Variants in PLPP7 observed in about 807,000 individuals in gnomAD.
The protein encoded by PLPP7 is inactive phospholipid phosphatase 7.
PLPP7 carries 11 observed loss-of-function variants against 16.9 expected under a neutral mutation model. The observed-to-expected ratio is 0.65, with a 90% confidence interval of 0.41 to 1.08. The LOEUF is 1.08. Ranked by LOEUF, PLPP7 falls within the 50% of genes least tolerant of loss-of-function variation. The pLI, the probability that PLPP7 is intolerant of heterozygous loss-of-function variation, is 0.00. For missense variants in PLPP7, 358 were observed against 397.1 expected, an observed-to-expected ratio of 0.90 and a Z score of 0.84; for synonymous variants, 174 against 175.1, an observed-to-expected ratio of 0.99 and a Z score of 0.05.
Position 131,290,653 on chromosome 9 carries a change from T to C in PLPP7, c.451+205T>C, listed in dbSNP as rs1588206474. Among the ~76,000 whole-genome samples the C allele has an allele frequency of 3.9e-5, 6 of 152,248 alleles. No homozygotes were observed. In the South Asian group the frequency reaches 1.2e-3, roughly 32 times the overall value. On this transcript the variant is annotated intron_variant, in intron 1 of 1. Coordinates refer to ENST00000372264, the MANE Select transcript of PLPP7 (RefSeq NM_032728.4). The surrounding 1 kb of genome is among the most constrained non-coding windows in gnomAD (Gnocchi z 4.2). Reference sequence around the variant, plus strand: ...CAGGGATGCATAGACGAGGCTCTCCTGCCACATGCCAAATGAAGACAGAGG... The same window carrying C: ...CAGGGATGCATAGACGAGGCTCTCCCGCCACATGCCAAATGAAGACAGAGG...
In PLPP7 at chr9:131,295,411, CA is replaced by C. The variant is rs1013184940; in HGVS notation, c.451+4966del. Among the ~76,000 whole-genome samples the C allele has an allele frequency of 2.0e-5, 3 of 152,134 alleles. No individual in the cohort carries two copies. The highest frequency in any genetic ancestry group is 7.2e-5 in the African/African-American group (3 of 41,438). Reference sequence around the variant, plus strand: ...TGATGATCCACCTGCATCAGCTTCCCAAAGTGCTGGGATCACAGGAGTGAGC... The same window carrying C: ...TGATGATCCACCTGCATCAGCTTCCCAAGTGCTGGGATCACAGGAGTGAGC... On this transcript the variant is annotated intron_variant, in intron 1 of 1. Transcript: ENST00000372264. The surrounding 1 kb of genome is among the most constrained non-coding windows in gnomAD (Gnocchi z 4.0).
chr9:131,291,256 C>T, intron 1 of PLPP7: 1 of 1,321,880 alleles, frequency 7.6e-7, no homozygotes, highest in African/African-American at 1.5e-5. Context: ...CTTCCACCCT[C>T]CACGCCAGGC....
rs142461767 is a variant in PLPP7, at chr9:131,296,969, G to A, written c.451+6521G>A. On this transcript the variant is annotated intron_variant, in intron 1 of 1. Coordinates refer to ENST00000372264, the MANE Select transcript of PLPP7 (RefSeq NM_032728.4). ...GTATTTAGGCTGATCCCAAATCTTC[G>A]CTCAGATACCCTCCTGTGGGAAACC... is the stretch of plus-strand genomic sequence containing the variant. Among the ~76,000 whole-genome samples the A allele has an allele frequency of 6.4e-3, 974 of 152,268 alleles. 13 individuals carry two copies. Among genetic ancestry groups the A allele is most frequent in the African/African-American group, 0.022 (913 of 41,548 alleles).
intron 1 of PLPP7, among the ~76,000 whole-genome samples, chr9:131,303,610 C>T (rs892533717): frequency 6.6e-5 from 10 of 151,962 alleles, no homozygotes; most frequent in Non-Finnish European, 1.0e-4. Flanking sequence ...TGAGTCATAA[C>T]CCCCCACCTT....
At position 131,290,476 on chromosome 9, in the gene PLPP7, CT is replaced by C. The variant is rs769565580; in HGVS notation, c.451+29del. On this transcript the variant is annotated intron_variant, in intron 1 of 1. Transcript: ENST00000372264. The surrounding 1 kb of genome is among the most constrained non-coding windows in gnomAD (Gnocchi z 4.2). ...GAGTGTGCCTGCCGCCCGCCACTCACTGTCAGGCCCCTCGGGAGGCAGCCTG... is the reference window on the plus strand; with the variant it reads ...GAGTGTGCCTGCCGCCCGCCACTCACGTCAGGCCCCTCGGGAGGCAGCCTG... The C allele has an allele frequency of 6.7e-7, 1 of 1,488,682 alleles. No individual in the cohort carries two copies. The highest frequency in any genetic ancestry group is 8.9e-7 in the Non-Finnish European group (1 of 1,121,976). The allele number at this position is 1,488,682 out of a possible 1,614,324, so 92.2% of individuals were successfully genotyped here.
rs530838585 is a variant in PLPP7 at position 131,289,746 on chromosome 9, C to A, written c.-252C>A. ...CCGCAGCTGTGGACTCCTCACCTCC[C>A]GGAGGCTCTGCTGGTGCAGGCCCCG... is the stretch of plus-strand genomic sequence containing the variant. On this transcript the variant is annotated 5_prime_UTR_variant, in exon 1 of 2. Transcript: ENST00000372264. 1 of 392,326 alleles carries A rather than the reference C, an allele frequency of 2.5e-6. No individual in the cohort carries two copies. The highest frequency in any genetic ancestry group is 1.3e-4 in the South Asian group (1 of 7,788). The allele number at this position is 392,326 out of a possible 1,614,324, so 24.3% of individuals were successfully genotyped here.
chr9:131,306,711 G>A (rs1441048095), intron 1 of PLPP7, among the ~76,000 whole-genome samples: 1 of 152,238 alleles, frequency 6.6e-6, no homozygotes, highest in African/African-American at 2.4e-5. Flanking sequence ...TTTACATGGA[G>A]TGTCTAGAGG....
intron 1 of PLPP7, chr9:131,292,859 G>A (rs1835695604): frequency 1.0e-6 from 1 of 985,204 alleles, no homozygotes; most frequent in South Asian, 4.7e-5. Context: ...GTTAAGATAA[G>A]GCTTCAGGCT....
intron 1 of PLPP7, among the ~76,000 whole-genome samples, chr9:131,299,336 C>T (rs2131217128): frequency 7.2e-6 from 1 of 138,260 alleles, no homozygotes; most frequent in South Asian, 2.3e-4. Context: ...CCTTTCCCCT[C>T]ACAGGGGTCT....
chr9:131,299,071 A>G (rs1835767383), intron 1 of PLPP7, among the ~76,000 whole-genome samples: 1 of 152,200 alleles, frequency 6.6e-6, no homozygotes, highest in African/African-American at 2.4e-5. Context: ...CAAGCATCAG[A>G]GCAGGCCCCT....
intron 1 of PLPP7, among the ~76,000 whole-genome samples, chr9:131,294,355 T>A (rs1176147585): frequency 6.6e-6 from 1 of 152,208 alleles, no homozygotes; most frequent in Non-Finnish European, 1.5e-5. Flanking sequence ...TGATGTTGGT[T>A]AACGGTTAAG....
Position 131,298,975 on chromosome 9 carries a change from G to T in PLPP7, c.451+8527G>T, listed in dbSNP as rs529344231. 2.6e-5 allele frequency among the ~76,000 whole-genome samples: 4 copies of T among 152,324 alleles called. No homozygotes were observed. The East Asian group carries it at 7.7e-4, about 29-fold the overall frequency. The stretch of plus-strand genomic sequence containing the variant: ...AAAGAGCGGAAAGTGGAGCTGGTTG[G>T]GACGGAAGAGCGTGAGGGGTGGTGG... On this transcript the variant is annotated intron_variant, in intron 1 of 1. Coordinates refer to ENST00000372264, the MANE Select transcript of PLPP7 (RefSeq NM_032728.4).
rs1431939881 is a variant in PLPP7, at chr9:131,295,387, G to A, written c.451+4939G>A. On this transcript the variant is annotated intron_variant, in intron 1 of 1. Transcript: ENST00000372264. This position sits in a 1 kb window ranked among gnomAD's most constrained non-coding sequence, Gnocchi z 4.0. ...CAGGCTGGTCTTGAACTGTTGACCT[G>A]ATGATCCACCTGCATCAGCTTCCCA... Among the ~76,000 whole-genome samples, 1 of 152,010 alleles carries A rather than the reference G, an allele frequency of 6.6e-6. No individual in the cohort carries two copies. Among genetic ancestry groups the A allele is most frequent in the Non-Finnish European group, 1.5e-5 (1 of 67,998 alleles).
Position 131,308,508 on chromosome 9 carries a change from A to C in PLPP7, c.*221A>C. 4.1e-6 allele frequency: 3 copies of C among 739,396 alleles called. No homozygotes were observed. The highest frequency in any genetic ancestry group is 6.4e-6 in the Non-Finnish European group (3 of 472,410). The allele number at this position is 739,396 out of a possible 1,614,324, so 45.8% of individuals were successfully genotyped here. ...CCAGGCCTCTTGCCCCTTTGCTTGGACTCCAAGTCTCCTCTCTAGGCAGCC... is the reference window on the plus strand; with the variant it reads ...CCAGGCCTCTTGCCCCTTTGCTTGGCCTCCAAGTCTCCTCTCTAGGCAGCC... On this transcript the variant is annotated 3_prime_UTR_variant, in exon 2 of 2. Transcript: ENST00000372264.
intron 1 of PLPP7, among the ~76,000 whole-genome samples, chr9:131,293,275 G>A (rs1835702333): frequency 6.6e-6 from 1 of 152,170 alleles, no homozygotes; most frequent in Non-Finnish European, 1.5e-5. Flanking sequence ...TGCACTCCTG[G>A]AGCGTGTGTG....
In PLPP7 at chr9:131,289,769, C is replaced by A. The variant is rs866652776; in HGVS notation, c.-229C>A. 1.2e-5 allele frequency: 5 copies of A among 400,802 alleles called. No individual in the cohort carries two copies. The highest frequency in any genetic ancestry group is 1.2e-3 in the Middle Eastern group (2 of 1,614). The allele number at this position is 400,802 out of a possible 1,614,324, so 24.8% of individuals were successfully genotyped here. A position where few individuals can be genotyped will look rare whatever the true frequency, so the allele number is the denominator to read the frequency against. ...CCCGGAGGCTCTGCTGGTGCAGGCC[C>A]CGCATTGGAGGGCTCGATTGGCTGC... On this transcript the variant is annotated 5_prime_UTR_variant, in exon 1 of 2. Transcript: ENST00000372264.
Position 131,291,436 on chromosome 9 carries a change from C to T in PLPP7, c.451+988C>T, listed in dbSNP as rs1046921358. 1.3e-5 allele frequency: 15 copies of T among 1,137,710 alleles called. No individual in the cohort carries two copies. The Admixed American group carries it at 3.8e-4, about 29-fold the overall frequency. 70.5% of individuals were successfully genotyped at this position (1,137,710 alleles called of 1,614,324 possible). A position where few individuals can be genotyped will look rare whatever the true frequency, so the allele number is the denominator to read the frequency against. On this transcript the variant is annotated intron_variant, in intron 1 of 1. Coordinates refer to ENST00000372264, the MANE Select transcript of PLPP7 (RefSeq NM_032728.4). ...GAAGTTACAATAAAAACACGTATCT[C>T]CCTGCTCTAGTCTCAGTCTGGAGGC... is the stretch of plus-strand genomic sequence containing the variant.
chr9:131,290,990 C>T lies in PLPP7; in HGVS notation c.451+542C>T, dbSNP rs1333041165. On this transcript the variant is annotated intron_variant, in intron 1 of 1. Coordinates refer to ENST00000372264, the MANE Select transcript of PLPP7 (RefSeq NM_032728.4). The surrounding 1 kb of genome is among the most constrained non-coding windows in gnomAD (Gnocchi z 4.2). Reference sequence around the variant, plus strand: ...CAGGGAGTTCCCCTGGGACTGCCACCCACTCACAGCCCCCTGGAGTTCTTC... The same window carrying T: ...CAGGGAGTTCCCCTGGGACTGCCACTCACTCACAGCCCCCTGGAGTTCTTC... The T allele has an allele frequency of 2.6e-6, 3 of 1,154,670 alleles. No homozygotes were observed. The highest frequency in any genetic ancestry group is 3.6e-6 in the Non-Finnish European group (3 of 832,406). 71.5% of individuals were successfully genotyped at this position (1,154,670 alleles called of 1,614,324 possible). A position where few individuals can be genotyped will look rare whatever the true frequency, so the allele number is the denominator to read the frequency against.
chr9:131,299,689 C>T (rs192841911), intron 1 of PLPP7, among the ~76,000 whole-genome samples: 1 of 152,316 alleles, frequency 6.6e-6, no homozygotes, highest in Admixed American at 6.5e-5. Context: ...CGCACCCCGT[C>T]ACACCTGTGA....
Sources: gnomAD v4.1 joint callset for allele counts (sites outside exome capture counted in the v4.1 genomes callset) on GRCh38, gnomAD v4.1.1 for gene constraint, Gnocchi (gnomAD v3.1) non-coding constraint, MANE v1.5 for transcripts, NCBI Gene and HGNC (gene_info 2026-07-23, HGNC 2026-07-21) for gene names.